ENTREP2: variants seen among roughly 807,000 people sequenced by gnomAD.
ENTREP2 encodes the protein endosomal transmembrane epsin interactor 2, also known as protein ENTREP2.
chr15:29,507,578 T>G, the ENTREP2 span, among the ~76,000 whole-genome samples: 4 of 152,164 alleles, frequency 2.6e-5, no homozygotes, highest in Non-Finnish European at 4.4e-5. Flanking sequence ...GCAATCCAAT[T>G]AGAACTTAGG....
the ENTREP2 span, among the ~76,000 whole-genome samples, chr15:29,624,871 TTG>T: frequency 0.15 from 21,434 of 143,410 alleles, 1,625 homozygotes; most frequent in Middle Eastern, 0.21. Context: ...CTGCATTAAT[TTG>T]TGTGTGTGTG....
At chr15:29,126,396 A>G in the ENTREP2 span, 3 of 1,547,258 alleles carry the variant, frequency 1.9e-6, no homozygotes, top group Admixed American at 2.0e-5. Context: ...GCAGGTTCGG[A>G]GGGTGCTGGG....
At chr15:29,455,209 C>G in the ENTREP2 span, among the ~76,000 whole-genome samples, 1 of 152,032 alleles carries the variant, frequency 6.6e-6, no homozygotes, top group East Asian at 1.9e-4. Flanking sequence ...AGGCAGCCAT[C>G]CTGACAATGC....
the ENTREP2 span, among the ~76,000 whole-genome samples, chr15:29,591,476 G>A: frequency 2.0e-5 from 3 of 152,142 alleles, no homozygotes; most frequent in Non-Finnish European, 4.4e-5. Context: ...TAAAAGGTAC[G>A]TTGAAATCCA....
the ENTREP2 span, among the ~76,000 whole-genome samples, chr15:29,444,655 C>T: frequency 6.6e-6 from 1 of 151,874 alleles, no homozygotes; most frequent in East Asian, 1.9e-4. Context: ...TTAGTAGAGA[C>T]GGGGTTTCAC....
the ENTREP2 span, among the ~76,000 whole-genome samples, chr15:29,631,122 T>C: frequency 1.3e-5 from 2 of 152,248 alleles, no homozygotes; most frequent in Non-Finnish European, 2.9e-5. Context: ...AGTTCCTTTT[T>C]TACATCTTCT....
At chr15:29,651,785 G>A in the ENTREP2 span, among the ~76,000 whole-genome samples, 1 of 152,254 alleles carries the variant, frequency 6.6e-6, no homozygotes, top group Non-Finnish European at 1.5e-5. Context: ...GCACCCACGA[G>A]CATGGGAGGG....
chr15:29,173,028 C>T, the ENTREP2 span, among the ~76,000 whole-genome samples: 14 of 152,294 alleles, frequency 9.2e-5, no homozygotes, highest in South Asian at 8.3e-4. Context: ...CTCATTTCCA[C>T]GGAGGCTGTC....
the ENTREP2 span, among the ~76,000 whole-genome samples, chr15:29,257,495 C>T: frequency 1.6e-4 from 25 of 152,258 alleles, no homozygotes; most frequent in African/African-American, 5.5e-4. Context: ...TTATAGGTTT[C>T]CCAGCATGGC....
the ENTREP2 span, among the ~76,000 whole-genome samples, chr15:29,253,366 A>T: frequency 3.3e-5 from 5 of 151,870 alleles, no homozygotes; most frequent in South Asian, 1.0e-3. Flanking sequence ...ACATTTCTCT[A>T]GCCTCTGTAT....
the ENTREP2 span, among the ~76,000 whole-genome samples, chr15:29,611,392 TAAA>T: frequency 3.9e-5 from 6 of 152,028 alleles, no homozygotes; most frequent in Non-Finnish European, 8.8e-5. Flanking sequence ...AAAAAACTCT[TAAA>T]AAAGAAAAAC....
At chr15:29,123,224 C>G in the ENTREP2 span, 78 of 1,146,188 alleles carry the variant, frequency 6.8e-5, no homozygotes, top group African/African-American at 3.7e-4. Context: ...GTGTCCCCCC[C>G]ACATTTATCC....
At chr15:29,506,513 G>C in the ENTREP2 span, among the ~76,000 whole-genome samples, 2 of 152,282 alleles carry the variant, frequency 1.3e-5, no homozygotes, top group Non-Finnish European at 2.9e-5. Flanking sequence ...AGAGAGAAAG[G>C]TCGAGTTACC....
chr15:29,154,748 T>A, the ENTREP2 span, among the ~76,000 whole-genome samples: 1 of 152,178 alleles, frequency 6.6e-6, no homozygotes. Flanking sequence ...CATGAGCCCA[T>A]GTGTTCCAAT....
chr15:29,485,339 G>A, the ENTREP2 span, among the ~76,000 whole-genome samples: 1 of 152,154 alleles, frequency 6.6e-6, no homozygotes, highest in Non-Finnish European at 1.5e-5. Flanking sequence ...CATTCCCAGT[G>A]CAGGACCTGG....
the ENTREP2 span, among the ~76,000 whole-genome samples, chr15:29,323,809 T>C: frequency 6.6e-6 from 1 of 152,094 alleles, no homozygotes; most frequent in Non-Finnish European, 1.5e-5. Flanking sequence ...TCTGTGTTGA[T>C]TATCGTTGTG....
At chr15:29,166,139 T>C in the ENTREP2 span, among the ~76,000 whole-genome samples, 1 of 152,068 alleles carries the variant, frequency 6.6e-6, no homozygotes, top group Admixed American at 6.6e-5. Context: ...TGGTTACAAT[T>C]CTCAGCAAAA....
chr15:29,571,263 G>A, the ENTREP2 span, among the ~76,000 whole-genome samples: 1 of 152,276 alleles, frequency 6.6e-6, no homozygotes, highest in Middle Eastern at 3.4e-3. Flanking sequence ...AAGGGCAACG[G>A]CATCAGCCTC....
chr15:29,147,363 G>A, the ENTREP2 span, among the ~76,000 whole-genome samples: 2 of 152,206 alleles, frequency 1.3e-5, no homozygotes, highest in Admixed American at 6.5e-5. Context: ...CCACCACTAC[G>A]ATGGTTATAA....
Sources: allele counts gnomAD v4.1 joint callset (sites outside exome capture counted in the v4.1 genomes callset), GRCh38; gene constraint gnomAD v4.1.1; transcripts MANE v1.5; gene names NCBI Gene and HGNC (gene_info 2026-07-23, HGNC 2026-07-21).